SHCBP1L: variants seen among roughly 807,000 people sequenced by gnomAD.
The protein encoded by SHCBP1L is SHC binding and spindle associated 1 like.
SHCBP1L carries 67 observed loss-of-function variants against 62.5 expected under a neutral mutation model. That is an observed-to-expected ratio of 1.07 (90% CI 0.88 to 1.31). SHCBP1L has a LOEUF of 1.31. Ranked by LOEUF, SHCBP1L falls within the 40% of genes most tolerant of loss-of-function variation. The probability of loss-of-function intolerance (pLI) is 0.00; values close to 1 mark genes in which losing one functional copy is unlikely to be tolerated. For synonymous variants in SHCBP1L, 284 were observed against 289.4 expected, an observed-to-expected ratio of 0.98 and a Z score of 0.19; for missense variants, 823 against 809.8, an observed-to-expected ratio of 1.02 and a Z score of -0.20.
intron 2 of SHCBP1L, among the ~76,000 whole-genome samples, chr1:182,942,985 G>T (rs1651421660): frequency 6.6e-6 from 1 of 152,128 alleles, no homozygotes; most frequent in Admixed American, 6.5e-5. Context: ...TTAGAAAATA[G>T]AATAACAACT....
chr1:182,915,883 T>C (rs897127826), intron 6 of SHCBP1L, among the ~76,000 whole-genome samples: 2 of 150,558 alleles, frequency 1.3e-5, no homozygotes, highest in South Asian at 2.1e-4. Flanking sequence ...CTCGGCTCAC[T>C]GCAAGCTCCA....
In SHCBP1L at chr1:182,952,217, TATATATATATATATATATACAC is replaced by T. The variant is rs1401018475; in HGVS notation, c.405+490_405+511del. ...ATATATATATATATATATATATATA[TATATATATATATATATATACAC>T]ACACACACACACACACACACATTTA... On this transcript the variant is annotated intron_variant, in intron 1 of 9. Coordinates refer to ENST00000367547, the MANE Select transcript of SHCBP1L (RefSeq NM_030933.4). Among the ~76,000 whole-genome samples, 330 of 61,342 alleles carry T rather than the reference TATATATATATATATATATACAC, an allele frequency of 5.4e-3. 5 individuals carry two copies. Among genetic ancestry groups the T allele is most frequent in the African/African-American group, 0.032 (315 of 9,954 alleles). The allele number at this position is 61,342 out of a possible 152,430, so 40.2% of individuals were successfully genotyped here.
At chr1:182,951,825 T>G (rs986516747) in intron 1 of SHCBP1L, 1 of 253,702 alleles carries the variant, frequency 3.9e-6, no homozygotes, top group Non-Finnish European at 8.0e-6. Flanking sequence ...AAATATTTGC[T>G]CTATTCCGTT....
chr1:182,933,527 T>G (rs967279430), intron 5 of SHCBP1L, among the ~76,000 whole-genome samples: 1 of 152,164 alleles, frequency 6.6e-6, no homozygotes, highest in African/African-American at 2.4e-5. Flanking sequence ...TTCCAAGTTT[T>G]TTTTAGAGTG....
In SHCBP1L at chr1:182,939,544, A is replaced by T. The variant is rs1054494987; in HGVS notation, c.780T>A (p.Tyr260Ter). ...ALALEVVRFF[Y>*]DFLWRDWDDE... Reference sequence around the variant, plus strand: ...CATCCCAGTCTCTCCAAAGAAAGTCATAAAAAAACCTACGATAAACCAAAT... The same window carrying T: ...CATCCCAGTCTCTCCAAAGAAAGTCTTAAAAAAACCTACGATAAACCAAAT... The change falls in exon 4 of 10, where the codon TAT becomes TAA. Residue 260 changes from tyrosine (Y) to a stop codon, truncating the protein, a stop_gained. Transcript: ENST00000367547. LOFTEE classifies it high-confidence loss of function. The T allele has an allele frequency of 6.2e-7, 1 of 1,601,886 alleles. No individual in the cohort carries two copies.
At chr1:182,931,687 C>T (rs145430852) in intron 5 of SHCBP1L, among the ~76,000 whole-genome samples, 1 of 152,280 alleles carries the variant, frequency 6.6e-6, no homozygotes, top group East Asian at 1.9e-4. Flanking sequence ...GTTCCCCCCG[C>T]ACACACAACC....
At chr1:182,951,757 G>A (rs1651751326) in intron 1 of SHCBP1L, among the ~76,000 whole-genome samples, 1 of 151,988 alleles carries the variant, frequency 6.6e-6, no homozygotes, top group African/African-American at 2.4e-5. Flanking sequence ...TCACTGCAGT[G>A]AATATGCAGG....
chr1:182,938,759 C>G (rs1038934002), intron 5 of SHCBP1L, among the ~76,000 whole-genome samples: 2 of 152,294 alleles, frequency 1.3e-5, no homozygotes, highest in East Asian at 3.9e-4. Context: ...CAGGTGTGGG[C>G]CACCATGTCC....
chr1:182,912,321 G>T (rs947841936), intron 6 of SHCBP1L, among the ~76,000 whole-genome samples: 11 of 152,116 alleles, frequency 7.2e-5, no homozygotes, highest in Non-Finnish European at 1.3e-4. Context: ...AATAAACTGG[G>T]TTCCACCCCA....
chr1:182,927,050 C>CTA (rs58308065), intron 6 of SHCBP1L, among the ~76,000 whole-genome samples: 90 of 90,490 alleles, frequency 9.9e-4, no homozygotes, highest in Non-Finnish European at 1.2e-3. Context: ...TTAACTAGCA[C>CTA]TATATATATA....
chr1:182,924,768 GAAAGA>G (rs1421808691), intron 6 of SHCBP1L, among the ~76,000 whole-genome samples: 1 of 93,178 alleles, frequency 1.1e-5, no homozygotes, highest in Non-Finnish European at 1.8e-5. Context: ...AAGAAAGAAA[GAAAGA>G]AAGAAAGAAA....
At chr1:182,938,970 C>G (rs1272029705) in intron 5 of SHCBP1L, among the ~76,000 whole-genome samples, 1 of 152,062 alleles carries the variant, frequency 6.6e-6, no homozygotes, top group Non-Finnish European at 1.5e-5. Context: ...TTAATGAGTT[C>G]TTTTGGTCAA....
intron 5 of SHCBP1L, among the ~76,000 whole-genome samples, chr1:182,935,531 G>T (rs1651138158): frequency 6.6e-6 from 1 of 152,052 alleles, no homozygotes; most frequent in African/African-American, 2.4e-5. Context: ...TCATTTATCG[G>T]TTTCAGGAGT....
chr1:182,952,725 T>A lies in SHCBP1L; in HGVS notation c.405+4A>T. 6.3e-7 allele frequency: 1 copy of A among 1,597,464 alleles called. No homozygotes were observed. Among genetic ancestry groups the A allele is most frequent in the Non-Finnish European group, 8.5e-7 (1 of 1,172,226 alleles). ...CGTAGTCTTCCTGTCCCGGATCCGCTCACCTTACAGTCCTGCAGCACTTCG... is the reference window on the plus strand; with the variant it reads ...CGTAGTCTTCCTGTCCCGGATCCGCACACCTTACAGTCCTGCAGCACTTCG... On this transcript the variant is annotated splice_donor_region_variant and intron_variant, in intron 1 of 9. Transcript: ENST00000367547.
In SHCBP1L at chr1:182,930,547, GTGTGTATATA is replaced by G. The variant is rs1289906927; in HGVS notation, c.1077-805_1077-796del. ...TGCTAAGAGGATGTGGCTTTAGTGT[GTGTGTATATA>G]TATATATATATATATATATATATAT... On this transcript the variant is annotated intron_variant, in intron 5 of 9. Transcript: ENST00000367547. Among the ~76,000 whole-genome samples, 580 of 92,804 alleles carry G rather than the reference GTGTGTATATA, an allele frequency of 6.2e-3. 19 individuals are homozygous for G. Among genetic ancestry groups the G allele is most frequent in the African/African-American group, 0.018 (444 of 25,106 alleles). 60.9% of individuals were successfully genotyped at this position (92,804 alleles called of 152,430 possible).
chr1:182,949,790 A>G (rs186042018), intron 2 of SHCBP1L, among the ~76,000 whole-genome samples: 1 of 151,822 alleles, frequency 6.6e-6, no homozygotes, highest in Admixed American at 6.6e-5. Context: ...AATCTTTTAC[A>G]TTCCTTTGTA....
At chr1:182,941,473 A>C (rs1651363882) in intron 2 of SHCBP1L, among the ~76,000 whole-genome samples, 2 of 152,190 alleles carry the variant, frequency 1.3e-5, no homozygotes, top group African/African-American at 4.8e-5. Context: ...TTTCTTTAAG[A>C]GGCTATAAAG....
At chr1:182,909,353 T>A (rs1307256922) in intron 6 of SHCBP1L, among the ~76,000 whole-genome samples, 4 of 152,102 alleles carry the variant, frequency 2.6e-5, no homozygotes, top group African/African-American at 9.7e-5. Flanking sequence ...CAGGAATGGA[T>A]GAAATTAGCT....
intron 6 of SHCBP1L, among the ~76,000 whole-genome samples, chr1:182,922,966 T>C (rs1477051585): frequency 6.6e-6 from 1 of 152,100 alleles, no homozygotes; most frequent in African/African-American, 2.4e-5. Context: ...CCTTTGTTTT[T>C]TGAAAGAATA....
Sources: gnomAD v4.1 joint callset for allele counts (sites outside exome capture counted in the v4.1 genomes callset) on GRCh38, gnomAD v4.1.1 for gene constraint, MANE v1.5 for transcripts, NCBI Gene and HGNC (gene_info 2026-07-23, HGNC 2026-07-21) for gene names.